CCDC91: variants seen among roughly 807,000 people sequenced by gnomAD.
The protein encoded by CCDC91 is coiled-coil domain containing 91.
In CCDC91, 48 loss-of-function variants were observed where a neutral mutation model predicts 63.2. That is an observed-to-expected ratio of 0.76 (90% CI 0.60 to 0.97). The LOEUF (loss-of-function observed/expected upper bound fraction) is 0.97, where lower values mean the gene tolerates loss of function less well. Ranked by LOEUF, CCDC91 falls within the 50% of genes least tolerant of loss-of-function variation. CCDC91 has a pLI of 0.00. For missense variants in CCDC91, 500 were observed against 494.6 expected, an observed-to-expected ratio of 1.01 and a Z score of -0.10; for synonymous variants, 167 against 165.8, an observed-to-expected ratio of 1.01 and a Z score of -0.06.
intron 12 of CCDC91, among the ~76,000 whole-genome samples, chr12:28,488,564 T>C (rs1444333097): frequency 6.6e-6 from 1 of 151,626 alleles, no homozygotes; most frequent in South Asian, 2.1e-4. Context: ...ATCATGCTAA[T>C]CCTGAGGAAA....
At chr12:28,274,456 A>T (rs1948039664) in intron 3 of CCDC91, among the ~76,000 whole-genome samples, 1 of 152,024 alleles carries the variant, frequency 6.6e-6, no homozygotes, top group Middle Eastern at 3.2e-3. Context: ...CACGATATTG[A>T]TTCTTCCTAC....
At chr12:28,241,786 A>G (rs1945355193) in intron 1 of CCDC91, among the ~76,000 whole-genome samples, 1 of 152,058 alleles carries the variant, frequency 6.6e-6, no homozygotes, top group African/African-American at 2.4e-5. Flanking sequence ...ACCTGAGGTC[A>G]GGAGTTCAAA....
chr12:28,496,948 A>G (rs914694806), intron 12 of CCDC91, among the ~76,000 whole-genome samples: 4 of 144,926 alleles, frequency 2.8e-5, no homozygotes, highest in African/African-American at 5.2e-5. Context: ...ATATACATAT[A>G]TATATATATA....
chr12:28,279,155 CTT>C (rs529303442), intron 3 of CCDC91, among the ~76,000 whole-genome samples: 1 of 147,758 alleles, frequency 6.8e-6, no homozygotes, highest in African/African-American at 2.5e-5. Flanking sequence ...TTTGTGAAGT[CTT>C]TTTTTTTTAA....
intron 6 of CCDC91, among the ~76,000 whole-genome samples, chr12:28,314,395 C>T (rs766102714): frequency 2.6e-5 from 4 of 151,976 alleles, no homozygotes; most frequent in Admixed American, 1.3e-4. Context: ...GGACATTGGG[C>T]GCTTGGCAAG....
Position 28,476,269 on chromosome 12 carries a change from C to T in CCDC91, c.1102-7783C>T, listed in dbSNP as rs12230894. Among the ~76,000 whole-genome samples the T allele has an allele frequency of 6.0e-4, 92 of 152,288 alleles. 3 individuals are homozygous for T. In the East Asian group the frequency reaches 0.017, roughly 28 times the overall value. On this transcript the variant is annotated intron_variant, in intron 11 of 12. Coordinates refer to ENST00000536442, the MANE Select transcript of CCDC91 (RefSeq NM_018318.5). ...GCAAAAGAACAGAAATAACAACAAA[C>T]TGTCTCTCAGACCACAGTGCAATCA...
At chr12:28,524,720 G>A (rs756583842) in intron 12 of CCDC91, among the ~76,000 whole-genome samples, 8 of 151,980 alleles carry the variant, frequency 5.3e-5, no homozygotes, top group Non-Finnish European at 1.2e-4. Context: ...TTGTGAATGC[G>A]TCTGGTCCTG....
At chr12:28,218,249 G>A (rs185557118) in intron 1 of CCDC91, among the ~76,000 whole-genome samples, 1 of 151,952 alleles carries the variant, frequency 6.6e-6, no homozygotes, top group African/African-American at 2.4e-5. Context: ...ATGCGCATTC[G>A]ACTGTTGGTC....
At chr12:28,330,223 C>T (rs981073316) in intron 6 of CCDC91, among the ~76,000 whole-genome samples, 4 of 152,150 alleles carry the variant, frequency 2.6e-5, no homozygotes, top group African/African-American at 9.7e-5. Context: ...TTAGTTTACA[C>T]TCCCATCAGC....
intron 3 of CCDC91, among the ~76,000 whole-genome samples, chr12:28,303,419 ACCTACTTTCCCTCCTTTCTC>A (rs1938295605): frequency 1.3e-5 from 2 of 151,834 alleles, no homozygotes; most frequent in South Asian, 4.2e-4. Flanking sequence ...CCTGTTTTCT[ACCTACTTTCCCTCCTTTCTC>A]CCTAACATGA....
chr12:28,333,044 A>G (rs1360473543), intron 6 of CCDC91, among the ~76,000 whole-genome samples: 8 of 152,158 alleles, frequency 5.3e-5, no homozygotes, highest in Non-Finnish European at 1.0e-4. Flanking sequence ...AGAATCATAC[A>G]ATGCTCTACC....
chr12:28,336,200 G>A (rs1941969849), intron 6 of CCDC91, among the ~76,000 whole-genome samples: 1 of 152,074 alleles, frequency 6.6e-6, no homozygotes, highest in African/African-American at 2.4e-5. Flanking sequence ...TACTCCCAGA[G>A]TAGAACTGGT....
At chr12:28,300,490 A>G (rs2136981949) in intron 3 of CCDC91, among the ~76,000 whole-genome samples, 1 of 147,704 alleles carries the variant, frequency 6.8e-6, no homozygotes, top group South Asian at 2.1e-4. Flanking sequence ...ATAATTTAAT[A>G]CAGCAAATTT....
chr12:28,400,045 G>A (rs1946521720), intron 8 of CCDC91, among the ~76,000 whole-genome samples: 1 of 152,176 alleles, frequency 6.6e-6, no homozygotes, highest in Non-Finnish European at 1.5e-5. Flanking sequence ...TGGGGGCTCT[G>A]ACCCCACAGT....
At chr12:28,518,878 C>T (rs1378409148) in intron 12 of CCDC91, among the ~76,000 whole-genome samples, 1 of 151,996 alleles carries the variant, frequency 6.6e-6, no homozygotes, top group African/African-American at 2.4e-5. Context: ...TGTAGCTTGC[C>T]AATTATCCCA....
chr12:28,516,965 A>C (rs1474409543), intron 12 of CCDC91, among the ~76,000 whole-genome samples: 1 of 151,982 alleles, frequency 6.6e-6, no homozygotes, highest in Non-Finnish European at 1.5e-5. Context: ...CTAGTCAGTC[A>C]TGCAAACTAG....
chr12:28,479,699 C>G (rs1432932567), intron 11 of CCDC91, among the ~76,000 whole-genome samples: 1 of 151,938 alleles, frequency 6.6e-6, no homozygotes, highest in Non-Finnish European at 1.5e-5. Flanking sequence ...CATATATACC[C>G]TAGATCAGAG....
At chr12:28,326,081 CA>C (rs1449149276) in intron 6 of CCDC91, among the ~76,000 whole-genome samples, 1 of 151,898 alleles carries the variant, frequency 6.6e-6, no homozygotes, top group Non-Finnish European at 1.5e-5. Flanking sequence ...GCTTTGCTTC[CA>C]AAAAAAGTTT....
chr12:28,537,926 C>T (rs1295329589), intron 12 of CCDC91, among the ~76,000 whole-genome samples: 1 of 152,046 alleles, frequency 6.6e-6, no homozygotes, highest in African/African-American at 2.4e-5. Context: ...CATGTGTGTC[C>T]ATAATTCCTA....
Sources: gnomAD v4.1 joint callset for allele counts (sites outside exome capture counted in the v4.1 genomes callset) on GRCh38, gnomAD v4.1.1 for gene constraint, MANE v1.5 for transcripts, NCBI Gene and HGNC (gene_info 2026-07-23, HGNC 2026-07-21) for gene names.